Variants in COMMD1 observed in about 807,000 individuals in gnomAD.
The protein encoded by COMMD1 is copper metabolism domain containing 1.
A neutral mutation model predicts 17.2 loss-of-function variants in COMMD1; 10 were observed. That is an observed-to-expected ratio of 0.58 (90% CI 0.36 to 0.99). The LOEUF (loss-of-function observed/expected upper bound fraction) is 0.99, where lower values mean the gene tolerates loss of function less well. COMMD1 is among the 50% of genes least tolerant of loss of function. The pLI is 0.01. For missense variants in COMMD1, 270 were observed against 231.8 expected (o/e 1.17, Z -1.07); for synonymous variants, 97 against 91.6 (o/e 1.06, Z -0.34).
intron 2 of COMMD1, among the ~76,000 whole-genome samples, chr2:62,086,219 C>A (rs948010469): frequency 6.6e-6 from 1 of 151,430 alleles, no homozygotes; most frequent in Non-Finnish European, 1.5e-5. Flanking sequence ...ATTAAAATTT[C>A]TCTTCTGTGG....
At chr2:61,935,285 A>G (rs773832298) in intron 1 of COMMD1, among the ~76,000 whole-genome samples, 2 of 152,216 alleles carry the variant, frequency 1.3e-5, no homozygotes, top group Admixed American at 6.5e-5. Flanking sequence ...CAAATAACAG[A>G]ACTACAGTCT....
intron 2 of COMMD1, among the ~76,000 whole-genome samples, chr2:62,003,637 C>CAA (rs1423701204): frequency 1.4e-5 from 2 of 147,342 alleles, no homozygotes; most frequent in Non-Finnish European, 3.0e-5. Flanking sequence ...CACACACACA[C>CAA]ACACCCAACA....
At chr2:61,888,574 G>C (rs915034200), upstream of COMMD1, 3 of 1,563,592 alleles carry the variant, frequency 1.9e-6, no homozygotes, top group Non-Finnish European at 2.6e-6. Context: ...GCCGGCCGCA[G>C]TGTAATAACG....
rs10173070 is a variant in COMMD1, at chr2:62,123,489, A to C, written c.463-12342A>C. 2.6e-4 allele frequency among the ~76,000 whole-genome samples: 39 copies of C among 148,648 alleles called. 1 individual carries two copies. Among genetic ancestry groups the C allele is most frequent in the African/African-American group, 9.3e-4 (37 of 39,976 alleles). On this transcript the variant is annotated intron_variant, in intron 2 of 2. Transcript: ENST00000311832. ...CACTGCACTCCAGCCTGGGCAACAA[A>C]GCAAGACATGTGAAAAAAAAATTAA...
intron 1 of COMMD1, among the ~76,000 whole-genome samples, chr2:61,972,479 G>C (rs1671676554): frequency 2.0e-5 from 3 of 152,170 alleles, no homozygotes; most frequent in African/African-American, 7.2e-5. Flanking sequence ...CTAAGAAGTA[G>C]GGTATGGAAA....
intron 2 of COMMD1, among the ~76,000 whole-genome samples, chr2:62,077,809 A>G (rs897130281): frequency 6.6e-5 from 10 of 152,110 alleles, no homozygotes; most frequent in Admixed American, 2.0e-4. Context: ...GGAGACATGA[A>G]GCTTCAAGGA....
At chr2:61,978,718 G>A (rs542504282) in intron 1 of COMMD1, among the ~76,000 whole-genome samples, 19 of 152,212 alleles carry the variant, frequency 1.2e-4, no homozygotes, top group African/African-American at 3.9e-4. Context: ...GAGGGGTGAA[G>A]GACAGAGTTC....
intron 2 of COMMD1, among the ~76,000 whole-genome samples, chr2:62,036,689 G>A (rs529270534): frequency 2.6e-5 from 4 of 152,236 alleles, no homozygotes; most frequent in East Asian, 1.9e-4. Context: ...TCTAATGTTC[G>A]TGATGCTTTG....
At chr2:61,950,620 C>T (rs1671026504) in intron 1 of COMMD1, among the ~76,000 whole-genome samples, 1 of 152,196 alleles carries the variant, frequency 6.6e-6, no homozygotes, top group Non-Finnish European at 1.5e-5. Context: ...TTCTCTTTGG[C>T]ATATCCAAGT....
chr2:62,042,605 C>T (rs1670258787), intron 2 of COMMD1, among the ~76,000 whole-genome samples: 1 of 152,154 alleles, frequency 6.6e-6, no homozygotes, highest in Non-Finnish European at 1.5e-5. Flanking sequence ...CGTGCCTCTC[C>T]CTCCACACCT....
At chr2:61,898,921 TA>T (rs1024168456) in intron 1 of COMMD1, among the ~76,000 whole-genome samples, 3 of 152,212 alleles carry the variant, frequency 2.0e-5, no homozygotes, top group African/African-American at 7.2e-5. Flanking sequence ...TAAAACTTTG[TA>T]CTTGGATCCT....
intron 2 of COMMD1, among the ~76,000 whole-genome samples, chr2:62,054,340 C>T (rs1573122400): frequency 6.6e-6 from 1 of 152,288 alleles, no homozygotes; most frequent in East Asian, 1.9e-4. Flanking sequence ...AGTGCCACTA[C>T]TGGGTATCTA....
chr2:61,941,004 C>T (rs1670732588), intron 1 of COMMD1, among the ~76,000 whole-genome samples: 1 of 149,964 alleles, frequency 6.7e-6, no homozygotes, highest in African/African-American at 2.5e-5. Context: ...AATTCTTTCG[C>T]TCCCTTTTTC....
intron 2 of COMMD1, among the ~76,000 whole-genome samples, chr2:62,066,881 A>G (rs1191118707): frequency 6.7e-6 from 1 of 150,370 alleles, no homozygotes; most frequent in Admixed American, 6.6e-5. Flanking sequence ...GTGCACCACC[A>G]TGCCTGGCTA....
At chr2:62,083,807 G>T (rs1671589930) in intron 2 of COMMD1, among the ~76,000 whole-genome samples, 1 of 152,212 alleles carries the variant, frequency 6.6e-6, no homozygotes, top group Non-Finnish European at 1.5e-5. Flanking sequence ...TAGTATAAGG[G>T]ATCCAACATC....
chr2:61,942,073 T>G (rs549981175), intron 1 of COMMD1, among the ~76,000 whole-genome samples: 1 of 152,304 alleles, frequency 6.6e-6, no homozygotes, highest in South Asian at 2.1e-4. Flanking sequence ...GGAAAAAAAT[T>G]TACATTTTCT....
At chr2:62,040,420 A>G (rs1670157803) in intron 2 of COMMD1, among the ~76,000 whole-genome samples, 1 of 152,226 alleles carries the variant, frequency 6.6e-6, no homozygotes. Flanking sequence ...TTCTCAGTGA[A>G]AAATCATTTA....
At chr2:62,087,285 A>C (rs1019256918) in intron 2 of COMMD1, among the ~76,000 whole-genome samples, 7 of 152,206 alleles carry the variant, frequency 4.6e-5, no homozygotes, top group Non-Finnish European at 1.0e-4. Flanking sequence ...AGAGTCCGTG[A>C]GGGTCACATG....
At chr2:62,127,283 C>A (rs547940260) in intron 2 of COMMD1, among the ~76,000 whole-genome samples, 1 of 152,160 alleles carries the variant, frequency 6.6e-6, no homozygotes, top group East Asian at 1.9e-4. Flanking sequence ...ATCAATATTG[C>A]GAAAATGGCC....
Sources: allele counts gnomAD v4.1 joint callset (sites outside exome capture counted in the v4.1 genomes callset), GRCh38; gene constraint gnomAD v4.1.1; transcripts MANE v1.5; gene names NCBI Gene and HGNC (gene_info 2026-07-23, HGNC 2026-07-21).